FOXO3: variants seen among roughly 807,000 people sequenced by gnomAD.
The protein encoded by FOXO3 is forkhead box protein O3.
A neutral mutation model predicts 41.9 loss-of-function variants in FOXO3; 4 were observed. The observed-to-expected ratio is 0.10, with a 90% CI of 0.05 to 0.22. The LOEUF (loss-of-function observed/expected upper bound fraction) is 0.22, where lower values mean the gene tolerates loss of function less well. FOXO3 is among the 10% of genes least tolerant of loss of function. FOXO3 has a pLI of 1.00. For synonymous variants in FOXO3, 318 were observed against 389.3 expected (o/e 0.82, Z 2.16); for missense variants, 534 against 906.8 (o/e 0.59, Z 5.28).
intron 2 of FOXO3, among the ~76,000 whole-genome samples, chr6:108,677,087 A>T (rs1034893381): frequency 6.6e-6 from 1 of 152,160 alleles, no homozygotes; most frequent in Non-Finnish European, 1.5e-5. Flanking sequence ...TCCTCTACCA[A>T]TTCAGCCTAT....
At chr6:108,658,966 C>T (rs1212670429) in intron 1 of FOXO3, among the ~76,000 whole-genome samples, 1 of 152,072 alleles carries the variant, frequency 6.6e-6, no homozygotes, top group Non-Finnish European at 1.5e-5. Context: ...CTCACTGCAG[C>T]CTCAGCCTCC....
chr6:108,642,885 A>G (rs1778297652), intron 1 of FOXO3, among the ~76,000 whole-genome samples: 1 of 152,204 alleles, frequency 6.6e-6, no homozygotes, highest in Admixed American at 6.5e-5. Context: ...CATAAAGTCC[A>G]GTTAGTGGTT....
intron 1 of FOXO3, among the ~76,000 whole-genome samples, chr6:108,614,595 C>A (rs954994765): frequency 6.6e-6 from 1 of 152,056 alleles, no homozygotes; most frequent in Non-Finnish European, 1.5e-5. Flanking sequence ...TACTTCTAAT[C>A]TATCTGTGTC....
rs974625419 is a variant in FOXO3 at position 108,590,004 on chromosome 6, T to C, written c.621+28175T>C. Among the ~76,000 whole-genome samples the C allele has an allele frequency of 2.0e-5, 3 of 152,206 alleles. No individual in the cohort carries two copies. In the East Asian group the frequency reaches 5.8e-4, roughly 29 times the overall value. ...GTTATGGGTATTAAGAGAGTTATTC[T>C]TAAAGGATATCATGTTCAGTGCAAT... On this transcript the variant is annotated intron_variant, in intron 1 of 2. Coordinates refer to ENST00000406360, the MANE Select transcript of FOXO3 (RefSeq NM_001455.4).
At position 108,582,976 on chromosome 6, in the gene FOXO3, A is replaced by G. The variant is rs546582841; in HGVS notation, c.621+21147A>G. 5.9e-5 allele frequency among the ~76,000 whole-genome samples: 9 copies of G among 152,274 alleles called. No individual in the cohort carries two copies. In the East Asian group the frequency reaches 1.7e-3, roughly 29 times the overall value. ...TGCCAAATTGATGATGGAACTCCTG[A>G]GTCCTGAAACGCAGTGCCTTGGATG... is the stretch of plus-strand genomic sequence containing the variant. On this transcript the variant is annotated intron_variant, in intron 1 of 2. Coordinates refer to ENST00000406360, the MANE Select transcript of FOXO3 (RefSeq NM_001455.4).
intron 2 of FOXO3, among the ~76,000 whole-genome samples, chr6:108,667,188 T>G (rs1481261203): frequency 6.6e-6 from 1 of 152,146 alleles, no homozygotes; most frequent in Non-Finnish European, 1.5e-5. Context: ...GTGAAAAGAC[T>G]GTAATGGAAG....
At chr6:108,671,285 T>C (rs1779208827) in intron 2 of FOXO3, among the ~76,000 whole-genome samples, 1 of 152,212 alleles carries the variant, frequency 6.6e-6, no homozygotes, top group South Asian at 2.1e-4. Context: ...ACTTTATGTT[T>C]GATTTCTAGA....
rs1159152594 is a variant in FOXO3 at position 108,684,061 on chromosome 6, T to G, written c.*4269T>G. 6.5e-6 allele frequency: 1 copy of G among 152,678 alleles called. No homozygotes were observed. The highest frequency in any genetic ancestry group is 2.4e-5 in the African/African-American group (1 of 41,468). 9.5% of individuals were successfully genotyped at this position (152,678 alleles called of 1,614,324 possible). On this transcript the variant is annotated 3_prime_UTR_variant, in exon 3 of 3. Coordinates refer to ENST00000406360, the MANE Select transcript of FOXO3 (RefSeq NM_001455.4). Reference sequence around the variant, plus strand: ...TTTTCCTCTTGTTTAGTTGTATCTGTTTGTATTTTTCTTTGATGAATGATT... The same window carrying G: ...TTTTCCTCTTGTTTAGTTGTATCTGGTTGTATTTTTCTTTGATGAATGATT...
chr6:108,575,788 T>G (rs2128358578), intron 1 of FOXO3, among the ~76,000 whole-genome samples: 1 of 152,312 alleles, frequency 6.6e-6, no homozygotes, highest in South Asian at 2.1e-4. Flanking sequence ...ATGTGCCATG[T>G]GTGAATATAC....
chr6:108,638,885 C>T (rs1283178097), intron 1 of FOXO3, among the ~76,000 whole-genome samples: 1 of 152,134 alleles, frequency 6.6e-6, no homozygotes, highest in African/African-American at 2.4e-5. Flanking sequence ...TCAAGTTATT[C>T]CTGAAGTTCT....
chr6:108,670,173 G>A (rs1216519987), intron 2 of FOXO3, among the ~76,000 whole-genome samples: 2 of 151,998 alleles, frequency 1.3e-5, no homozygotes, highest in African/African-American at 4.8e-5. Flanking sequence ...GTGGGAGAAT[G>A]TTTGCTGACT....
At chr6:108,561,941 A>G in intron 1 of FOXO3, 112 bp downstream of exon 1, 1 of 1,409,908 alleles carries the variant, frequency 7.1e-7, no homozygotes, top group South Asian at 1.5e-5. Context: ...AGGGGTTGGC[A>G]GGGGGAGCCT....
rs71015551 is a variant in FOXO3 at position 108,569,987 on chromosome 6, GTTTTTTTT to G, written c.621+8181_621+8188del. 1.0e-3 allele frequency among the ~76,000 whole-genome samples: 73 copies of G among 73,248 alleles called. 3 individuals carry two copies. Among genetic ancestry groups the G allele is most frequent in the African/African-American group, 3.4e-3 (55 of 16,118 alleles). 48.1% of individuals were successfully genotyped at this position (73,248 alleles called of 152,430 possible). A position where few individuals can be genotyped will look rare whatever the true frequency, so the allele number is the denominator to read the frequency against. ...TCCACATCATGTTTTCCCTTGCGTG[GTTTTTTTT>G]TTTTTTTTTTTTTTTTTTTTTTGAG... is the stretch of plus-strand genomic sequence containing the variant. On this transcript the variant is annotated intron_variant, in intron 1 of 2. Transcript: ENST00000406360.
At chr6:108,589,572 G>A (rs1169942256) in intron 1 of FOXO3, among the ~76,000 whole-genome samples, 2 of 152,228 alleles carry the variant, frequency 1.3e-5, no homozygotes, top group East Asian at 3.8e-4. Flanking sequence ...CCTTTTCCGG[G>A]TTTCCAGTGC....
intron 1 of FOXO3, among the ~76,000 whole-genome samples, chr6:108,622,922 G>A (rs1582789253): frequency 1.3e-5 from 2 of 150,478 alleles, no homozygotes; most frequent in East Asian, 1.9e-4. Flanking sequence ...TGCATAAGAG[G>A]GCCTTTTAGA....
Position 108,680,313 on chromosome 6 carries a change from G to A in FOXO3, c.*521G>A, listed in dbSNP as rs971056028. On this transcript the variant is annotated 3_prime_UTR_variant, in exon 3 of 3. Coordinates refer to ENST00000406360, the MANE Select transcript of FOXO3 (RefSeq NM_001455.4). Reference sequence around the variant, plus strand: ...AATGTTGTACCAGTTACCATTCCGGGTTCGAGCATCACAAGCTTTTGAGCG... The same window carrying A: ...AATGTTGTACCAGTTACCATTCCGGATTCGAGCATCACAAGCTTTTGAGCG... The A allele has an allele frequency of 2.6e-5, 4 of 152,706 alleles. No individual in the cohort carries two copies. Among genetic ancestry groups the A allele is most frequent in the East Asian group, 1.9e-4 (1 of 5,190 alleles). 9.5% of individuals were successfully genotyped at this position (152,706 alleles called of 1,614,324 possible). A position where few individuals can be genotyped will look rare whatever the true frequency, so the allele number is the denominator to read the frequency against.
chr6:108,600,362 A>G (rs1052342150), intron 1 of FOXO3, among the ~76,000 whole-genome samples: 2 of 151,994 alleles, frequency 1.3e-5, no homozygotes, highest in Non-Finnish European at 2.9e-5. Flanking sequence ...CCTGGCCAAC[A>G]TGGTGAAACC....
intron 1 of FOXO3, among the ~76,000 whole-genome samples, chr6:108,616,458 G>A (rs926821657): frequency 6.6e-6 from 1 of 151,826 alleles, no homozygotes; most frequent in South Asian, 2.1e-4. Flanking sequence ...CACCACACCC[G>A]GCCAATGTTT....
At chr6:108,629,391 A>G (rs1047592040) in intron 1 of FOXO3, among the ~76,000 whole-genome samples, 42 of 152,276 alleles carry the variant, frequency 2.8e-4, no homozygotes, top group African/African-American at 9.6e-4. Flanking sequence ...ATCTGAGCAC[A>G]GTGGATTCAA....
Sources: gnomAD v4.1 joint callset for allele counts (sites outside exome capture counted in the v4.1 genomes callset) on GRCh38, gnomAD v4.1.1 for gene constraint, MANE v1.5 for transcripts, NCBI Gene and HGNC (gene_info 2026-07-23, HGNC 2026-07-21) for gene names.